Variants in SENP7 observed in about 807,000 individuals in gnomAD.
The protein encoded by SENP7 is SUMO specific peptidase 7, also known as sentrin-specific protease 7.
Under a neutral mutation model 141.2 loss-of-function variants are expected in SENP7, and 64 were observed. The observed-to-expected ratio is 0.45, with a 90% CI of 0.37 to 0.56. The LOEUF (loss-of-function observed/expected upper bound fraction) is 0.56, where lower values mean the gene tolerates loss of function less well. Ranked by LOEUF, SENP7 falls within the 20% of genes least tolerant of loss-of-function variation. SENP7 has a pLI of 0.00. For missense variants in SENP7, 1,025 were observed against 1,212.2 expected, an observed-to-expected ratio of 0.85 and a Z score of 2.29; for synonymous variants, 382 against 426.4, an observed-to-expected ratio of 0.90 and a Z score of 1.28.
At chr3:101,479,892 C>CA (rs1168285268) in intron 3 of SENP7, among the ~76,000 whole-genome samples, 94 of 7,342 alleles carry the variant, frequency 0.013, 34 homozygotes, top group South Asian at 0.021. Flanking sequence ...ACAACAGCTA[C>CA]AAAAAAAAAA....
intron 4 of SENP7, among the ~76,000 whole-genome samples, chr3:101,421,912 C>G (rs561037702): frequency 2.4e-4 from 37 of 152,248 alleles, no homozygotes; most frequent in Middle Eastern, 6.8e-3. Flanking sequence ...GGTAACAATA[C>G]TATCCAACAA....
chr3:101,489,050 C>G (rs1458991094), intron 3 of SENP7, among the ~76,000 whole-genome samples: 1 of 152,102 alleles, frequency 6.6e-6, no homozygotes, highest in African/African-American at 2.4e-5. Flanking sequence ...AATTTCATAT[C>G]CTACCAGCCC....
At chr3:101,466,383 A>T (rs1283559108) in intron 3 of SENP7, among the ~76,000 whole-genome samples, 2 of 152,198 alleles carry the variant, frequency 1.3e-5, no homozygotes, top group Non-Finnish European at 2.9e-5. Context: ...ATCAAATCAC[A>T]CATAAGAAAA....
At position 101,457,612 on chromosome 3, in the gene SENP7, C is replaced by G; in HGVS notation, c.284+1343G>C. The G allele has an allele frequency of 2.6e-6, 4 of 1,568,118 alleles. No individual in the cohort carries two copies. The South Asian group carries it at 4.4e-5, about 17-fold the overall frequency. Reference sequence around the variant, plus strand: ...AAGGAGAACTGAAGTTTTTTATCATCTGCTGTGGCTGTTCTATGAACCACC... The same window carrying G: ...AAGGAGAACTGAAGTTTTTTATCATGTGCTGTGGCTGTTCTATGAACCACC... On this transcript the variant is annotated intron_variant, in intron 4 of 23. Coordinates refer to ENST00000394095, the MANE Select transcript of SENP7 (RefSeq NM_020654.5).
At chr3:101,463,380 T>TACAC (rs1553744721) in intron 3 of SENP7, among the ~76,000 whole-genome samples, 5 of 72,142 alleles carry the variant, frequency 6.9e-5, no homozygotes, top group Non-Finnish European at 7.8e-5. Context: ...TATATATATA[T>TACAC]ATATATATAT....
chr3:101,369,524 G>A (rs1213584242), intron 7 of SENP7, among the ~76,000 whole-genome samples: 2 of 151,896 alleles, frequency 1.3e-5, no homozygotes, highest in African/African-American at 4.8e-5. Context: ...ACTCCCTAAG[G>A]AAAATAAAAC....
At chr3:101,356,770 T>A (rs2059753882) in intron 11 of SENP7, among the ~76,000 whole-genome samples, 1 of 152,178 alleles carries the variant, frequency 6.6e-6, no homozygotes, top group African/African-American at 2.4e-5. Context: ...GCAGGACTCT[T>A]CTCCAATATA....
At chr3:101,354,882 G>A (rs571349270) in intron 11 of SENP7, among the ~76,000 whole-genome samples, 2 of 151,750 alleles carry the variant, frequency 1.3e-5, no homozygotes, top group African/African-American at 4.8e-5. Flanking sequence ...CTGCAACCTC[G>A]TCAGCATGTT....
intron 6 of SENP7, among the ~76,000 whole-genome samples, chr3:101,385,740 C>G (rs568061655): frequency 6.6e-6 from 1 of 152,208 alleles, no homozygotes; most frequent in African/African-American, 2.4e-5. Flanking sequence ...GAGAACCCAA[C>G]AGCAAACTCT....
chr3:101,504,384 A>G (rs2065508954), intron 1 of SENP7, among the ~76,000 whole-genome samples: 1 of 151,634 alleles, frequency 6.6e-6, no homozygotes, highest in Non-Finnish European at 1.5e-5. Context: ...GCTCAAACCC[A>G]GGAGGCAGAG....
intron 14 of SENP7, 141 bp from the exon 15 acceptor site, chr3:101,341,920 T>C: frequency 2.6e-6 from 2 of 771,340 alleles, no homozygotes; most frequent in Non-Finnish European, 3.8e-6. Context: ...TCCATAGATA[T>C]AACCAAACCA....
chr3:101,492,189 A>G (rs1361366444), intron 3 of SENP7, among the ~76,000 whole-genome samples: 2 of 152,054 alleles, frequency 1.3e-5, no homozygotes, highest in East Asian at 1.9e-4. Flanking sequence ...CCTAAGCAAC[A>G]CAGCAAAACT....
intron 4 of SENP7, among the ~76,000 whole-genome samples, chr3:101,454,444 G>GC (rs932801583): frequency 1.3e-5 from 2 of 152,038 alleles, no homozygotes; most frequent in African/African-American, 4.8e-5. Context: ...CCTGGGAGAT[G>GC]GAGGCTGCAG....
chr3:101,332,385 A>G (rs2059080366), intron 18 of SENP7, among the ~76,000 whole-genome samples: 1 of 152,148 alleles, frequency 6.6e-6, no homozygotes. Flanking sequence ...CTTAATAAAT[A>G]GACTCATAGC....
intron 19 of SENP7, 85 bp from the exon 20 acceptor site, chr3:101,330,471 T>C: frequency 5.9e-6 from 5 of 847,408 alleles, no homozygotes; most frequent in Non-Finnish European, 9.4e-6. Flanking sequence ...TTATAATTTT[T>C]ATGCAGTTAC....
intron 1 of SENP7, among the ~76,000 whole-genome samples, chr3:101,507,000 G>A (rs1366721703): frequency 6.6e-6 from 1 of 150,392 alleles, no homozygotes; most frequent in East Asian, 2.0e-4. Context: ...GTTCAAGGCT[G>A]CATTGAGCTA....
intron 3 of SENP7, among the ~76,000 whole-genome samples, chr3:101,469,093 C>T (rs2063876323): frequency 1.3e-5 from 2 of 151,924 alleles, no homozygotes; most frequent in African/African-American, 2.4e-5. Flanking sequence ...GACTTTAAAC[C>T]AACAAAGATC....
At chr3:101,492,836 G>GA (rs1366278032) in intron 3 of SENP7, among the ~76,000 whole-genome samples, 2 of 151,874 alleles carry the variant, frequency 1.3e-5, no homozygotes, top group East Asian at 3.9e-4. Context: ...CACCTCTACA[G>GA]AAAAAAAATT....
Position 101,458,977 on chromosome 3 carries a change from T to C in SENP7, c.262A>G (p.Thr88Ala), listed in dbSNP as rs1259958325. Reference protein sequence around the residue: ...NKKHIRGCPVTSKSSPERQLK... With the variant: ...NKKHIRGCPVASKSSPERQLK... ...TACCTTTCTGGTGATGACTTGGAAGTAACAGGACACCCTCGGATATGTTTT... is the reference window on the plus strand; with the variant it reads ...TACCTTTCTGGTGATGACTTGGAAGCAACAGGACACCCTCGGATATGTTTT... Residue 88 changes from threonine (T) to alanine (A), a missense_variant, in exon 4 of 24, where the codon ACT (threonine) becomes GCT (alanine). This residue lies in a region of SENP7 where 496 missense variants were observed against 503.5 expected (regional missense o/e 0.99). Transcript: ENST00000394095. The C allele has an allele frequency of 1.2e-6, 2 of 1,608,102 alleles. No homozygotes were observed. The highest frequency in any genetic ancestry group is 1.7e-6 in the Non-Finnish European group (2 of 1,175,268).
Sources: allele counts gnomAD v4.1 joint callset (sites outside exome capture counted in the v4.1 genomes callset), GRCh38; gene constraint gnomAD v4.1.1; regional missense constraint gnomAD v4.1.1; transcripts MANE v1.5; gene names NCBI Gene and HGNC (gene_info 2026-07-23, HGNC 2026-07-21).